Variants in NRK observed in about 807,000 individuals in gnomAD.
The protein encoded by NRK is Nik related kinase.
In NRK, 67 loss-of-function variants were observed where a neutral mutation model predicts 125.2. The observed-to-expected ratio is 0.54, with a 90% CI of 0.44 to 0.66. The LOEUF is 0.66. Ranked by LOEUF, NRK falls within the 30% of genes least tolerant of loss-of-function variation. The pLI, the probability that NRK is intolerant of heterozygous loss-of-function variation, is 0.00. For missense variants in NRK, 1,224 were observed against 1,192.9 expected (o/e 1.03, Z -0.38); for synonymous variants, 458 against 429.0 (o/e 1.07, Z -0.84).
rs757294102 is a variant in NRK at position 105,957,481 on chromosome X, T to G, written c.*1881T>G. 8.9e-6 allele frequency: 1 copy of G among 112,059 alleles called. No individual in the cohort carries two copies. The highest frequency in any genetic ancestry group is 9.6e-5 in the Admixed American group (1 of 10,443). 9.2% of individuals were successfully genotyped at this position (112,059 alleles called of 1,213,427 possible). On this transcript the variant is annotated 3_prime_UTR_variant, in exon 29 of 29. Transcript: ENST00000243300. ...TCAAGTCTTTTAATAATTCATTTTT[T>G]CTTCATAATATTTACTCAAAGTTAA... is the stretch of plus-strand genomic sequence containing the variant.
intron 2 of NRK, among the ~76,000 whole-genome samples, chrX:105,874,799 G>A (rs1018812072): frequency 8.9e-6 from 1 of 111,745 alleles, no homozygotes; most frequent in Admixed American, 9.5e-5. Context: ...CCCAGGGGAA[G>A]TGGACTAAAT....
At chrX:105,891,838 G>A (rs1169233694) in intron 5 of NRK, among the ~76,000 whole-genome samples, 1 of 112,102 alleles carries the variant, frequency 8.9e-6, no homozygotes, top group Non-Finnish European at 1.9e-5. Flanking sequence ...CAGTTAACAT[G>A]CATCCTCTAT....
At chrX:105,826,371 T>C (rs2039110542) in intron 1 of NRK, among the ~76,000 whole-genome samples, 1 of 80,839 alleles carries the variant, frequency 1.2e-5, no homozygotes, top group Non-Finnish European at 2.2e-5. Context: ...TAATATATTA[T>C]ATATATTATC....
At chrX:105,841,484 T>A (rs771868658) in intron 2 of NRK, among the ~76,000 whole-genome samples, 1 of 111,741 alleles carries the variant, frequency 8.9e-6, no homozygotes, top group Non-Finnish European at 1.9e-5. Flanking sequence ...GTAATTTGTG[T>A]TAGAAAACTA....
chrX:105,882,701 A>T (rs1009358262), intron 4 of NRK, among the ~76,000 whole-genome samples: 3 of 111,062 alleles, frequency 2.7e-5, no homozygotes, highest in Non-Finnish European at 5.7e-5. Context: ...TATTAGAAAG[A>T]TATTACTAAA....
intron 1 of NRK, among the ~76,000 whole-genome samples, chrX:105,824,985 C>T (rs949433092): frequency 3.1e-4 from 35 of 111,702 alleles, no homozygotes; most frequent in Middle Eastern, 4.6e-3. Context: ...GCAAATTATG[C>T]ATAATTCTCC....
intron 19 of NRK, among the ~76,000 whole-genome samples, chrX:105,930,955 G>A (rs752017618): frequency 2.7e-5 from 3 of 112,076 alleles, no homozygotes; most frequent in East Asian, 2.8e-4. Context: ...GTGCACATGC[G>A]GTGGGTTGGG....
chrX:105,860,879 G>A (rs1282186081), intron 2 of NRK, among the ~76,000 whole-genome samples: 1 of 110,746 alleles, frequency 9.0e-6, no homozygotes, highest in African/African-American at 3.3e-5. Flanking sequence ...CATCAGTTTT[G>A]ATGGACATTT....
chrX:105,830,791 T>A (rs945878766), intron 1 of NRK, among the ~76,000 whole-genome samples: 1 of 97,726 alleles, frequency 1.0e-5, no homozygotes, highest in Non-Finnish European at 2.0e-5. Flanking sequence ...ATGAGAACAC[T>A]TGGACACAGG....
At chrX:105,882,043 G>A (rs767552173) in intron 4 of NRK, among the ~76,000 whole-genome samples, 29 of 110,990 alleles carry the variant, frequency 2.6e-4, no homozygotes, top group East Asian at 2.3e-3. Context: ...GAGGAATTGC[G>A]TAAATTTACA....
At chrX:105,823,049 A>T (rs1404639032) in intron 1 of NRK, 147 bp downstream of exon 1, 3 of 570,869 alleles carry the variant, frequency 5.3e-6, no homozygotes, top group South Asian at 3.2e-5. Context: ...GGGAGCCGGC[A>T]TGCGGAAAAG....
chrX:105,852,957 C>T lies in NRK; in HGVS notation c.123+21838C>T, dbSNP rs1443223817. Among the ~76,000 whole-genome samples the T allele has an allele frequency of 2.7e-5, 3 of 111,848 alleles. No homozygotes were observed. The East Asian group carries it at 8.5e-4, about 32-fold the overall frequency. On this transcript the variant is annotated intron_variant, in intron 2 of 28. Coordinates refer to ENST00000243300, the MANE Select transcript of NRK (RefSeq NM_198465.4). ...GAATTTCTTATTACACTCTCGTGAA[C>T]TTCAAATCTGTCAGCCAAGTCATGA...
At chrX:105,898,846 A>G (rs1220649991) in intron 8 of NRK, 132 bp downstream of exon 8, 1 of 466,763 alleles carries the variant, frequency 2.1e-6, no homozygotes, top group African/African-American at 2.5e-5. Flanking sequence ...AGTAGGAAAT[A>G]CAAGCCTCTA....
At chrX:105,879,441 T>C (rs2039858598) in intron 2 of NRK, among the ~76,000 whole-genome samples, 1 of 111,300 alleles carries the variant, frequency 9.0e-6, no homozygotes, top group Non-Finnish European at 1.9e-5. Context: ...AGCCACAAAA[T>C]AGGAGATCTG....
At position 105,905,318 on chromosome X, in the gene NRK, G is replaced by A; in HGVS notation, c.820G>A (p.Ala274Thr). Residue 274 changes from alanine (A) to threonine (T), a missense_variant, in exon 10 of 29, where the codon GCT becomes ACT. Ala to Thr is a moderately conservative substitution (Grantham distance 58). Coordinates refer to ENST00000243300, the MANE Select transcript of NRK (RefSeq NM_198465.4). ...TCTCTTCGTTATTTTGCGGGAATCT[G>A]CTCCCACAGTCAAATCCAGCGGATG... ...EALFVILRES[A>T]PTVKSSGWSR... 8.3e-7 allele frequency: 1 copy of A among 1,200,549 alleles called. No individual in the cohort carries two copies. Among genetic ancestry groups the A allele is most frequent in the Non-Finnish European group, 1.1e-6 (1 of 886,244 alleles).
intron 18 of NRK, among the ~76,000 whole-genome samples, chrX:105,924,441 A>AGT (rs1488094440): frequency 8.9e-6 from 1 of 111,805 alleles, no homozygotes; most frequent in African/African-American, 3.2e-5. Flanking sequence ...CAAAGAATAC[A>AGT]AGTTCTCTTC....
At chrX:105,834,735 GTTTCAGTTT>G (rs982640327) in intron 2 of NRK, among the ~76,000 whole-genome samples, 1 of 109,642 alleles carries the variant, frequency 9.1e-6, no homozygotes, top group African/African-American at 3.3e-5. Flanking sequence ...TTCTCTTTGT[GTTTCAGTTT>G]TGATCAATTT....
Position 105,948,861 on chromosome X carries a change from C to A in NRK, c.4354-714C>A, listed in dbSNP as rs1455401474. 3 of 346,222 alleles carry A rather than the reference C, an allele frequency of 8.7e-6. No individual in the cohort carries two copies. The East Asian group carries it at 1.3e-4, about 15-fold the overall frequency. 28.5% of individuals were successfully genotyped at this position (346,222 alleles called of 1,213,427 possible). A position where few individuals can be genotyped will look rare whatever the true frequency, so the allele number is the denominator to read the frequency against. Reference sequence around the variant, plus strand: ...TTGTAGGGAAATACTGTTAATGTGACAATATCTGTAGTTTAAGAAAACTTT... The same window carrying A: ...TTGTAGGGAAATACTGTTAATGTGAAAATATCTGTAGTTTAAGAAAACTTT... On this transcript the variant is annotated intron_variant, in intron 26 of 28. Coordinates refer to ENST00000243300, the MANE Select transcript of NRK (RefSeq NM_198465.4).
intron 28 of NRK, among the ~76,000 whole-genome samples, chrX:105,953,484 C>A (rs2040930175): frequency 9.0e-6 from 1 of 111,487 alleles, no homozygotes; most frequent in African/African-American, 3.3e-5. Flanking sequence ...ATTCATAGTA[C>A]CTTTCATGTT....
Sources: allele counts gnomAD v4.1 joint callset (sites outside exome capture counted in the v4.1 genomes callset), GRCh38; gene constraint gnomAD v4.1.1; transcripts MANE v1.5; gene names NCBI Gene and HGNC (gene_info 2026-07-23, HGNC 2026-07-21).